TSPAN5: variants seen among roughly 807,000 people sequenced by gnomAD.
TSPAN5 encodes tetraspanin-5.
A neutral mutation model predicts 37.1 loss-of-function variants in TSPAN5; 10 were observed. The ratio of observed to expected loss-of-function variants is 0.27; its 90% CI spans 0.17 to 0.46. The LOEUF (loss-of-function observed/expected upper bound fraction) is 0.46, where lower values mean the gene tolerates loss of function less well. TSPAN5 is among the 20% of genes least tolerant of loss of function. TSPAN5 has a pLI of 1.00. For missense variants in TSPAN5, 195 were observed against 326.6 expected (o/e 0.60, Z 3.11); for synonymous variants, 110 against 118.9 (o/e 0.93, Z 0.48).
intron 1 of TSPAN5, among the ~76,000 whole-genome samples, chr4:98,622,620 A>C (rs891382307): frequency 1.3e-5 from 2 of 152,232 alleles, no homozygotes; most frequent in African/African-American, 4.8e-5. Flanking sequence ...CATTCATGAG[A>C]GAACATGAGT....
intron 1 of TSPAN5, among the ~76,000 whole-genome samples, chr4:98,602,693 C>T (rs899834264): frequency 9.2e-5 from 14 of 152,190 alleles, no homozygotes; most frequent in African/African-American, 2.7e-4. Context: ...AACGCTTTTG[C>T]CCTGCGACAG....
At chr4:98,588,101 T>C (rs1376388047) in intron 1 of TSPAN5, among the ~76,000 whole-genome samples, 1 of 152,182 alleles carries the variant, frequency 6.6e-6, no homozygotes, top group Non-Finnish European at 1.5e-5. Flanking sequence ...AAACTAGATA[T>C]TCTGTGTCAC....
chr4:98,529,406 T>C (rs1278539467), intron 1 of TSPAN5, among the ~76,000 whole-genome samples: 3 of 152,236 alleles, frequency 2.0e-5, no homozygotes, highest in East Asian at 1.9e-4. Flanking sequence ...GAAGTGGGCA[T>C]TGAGTTTAAA....
intron 1 of TSPAN5, among the ~76,000 whole-genome samples, chr4:98,555,659 A>G (rs1407032953): frequency 2.0e-5 from 3 of 152,100 alleles, no homozygotes; most frequent in Admixed American, 1.3e-4. Context: ...ATATTTCCCA[A>G]CCCCTTAAGT....
At chr4:98,564,798 T>G (rs1754964709) in intron 1 of TSPAN5, among the ~76,000 whole-genome samples, 1 of 151,790 alleles carries the variant, frequency 6.6e-6, no homozygotes, top group Admixed American at 6.6e-5. Flanking sequence ...GGGGTTCACG[T>G]GTGTTTCTAA....
intron 7 of TSPAN5, among the ~76,000 whole-genome samples, chr4:98,473,725 A>G (rs1271206343): frequency 6.6e-6 from 1 of 152,142 alleles, no homozygotes; most frequent in Non-Finnish European, 1.5e-5. Flanking sequence ...TTTATTAGCA[A>G]TTTTAATCTT....
At chr4:98,511,099 C>T (rs911665309) in intron 1 of TSPAN5, among the ~76,000 whole-genome samples, 9 of 152,180 alleles carry the variant, frequency 5.9e-5, no homozygotes, top group African/African-American at 2.2e-4. Flanking sequence ...CAACCCTTTA[C>T]TCTTTTGAAA....
At chr4:98,586,257 G>T (rs1184626531) in intron 1 of TSPAN5, among the ~76,000 whole-genome samples, 1 of 152,108 alleles carries the variant, frequency 6.6e-6, no homozygotes, top group African/African-American at 2.4e-5. Flanking sequence ...GTAGTATTTT[G>T]AAAATGTTAC....
chr4:98,487,543 C>T (rs1042125524), intron 2 of TSPAN5, among the ~76,000 whole-genome samples: 3 of 152,006 alleles, frequency 2.0e-5, no homozygotes, highest in African/African-American at 2.4e-5. Context: ...GCACCCGGTC[C>T]GGCTACAAAC....
chr4:98,564,781 G>GC (rs1431876141), intron 1 of TSPAN5, among the ~76,000 whole-genome samples: 1 of 151,320 alleles, frequency 6.6e-6, no homozygotes. Flanking sequence ...TGCAGGCTTC[G>GC]CCCCCTGGGG....
intron 2 of TSPAN5, 93 bp downstream of exon 2, chr4:98,507,585 C>T: frequency 1.1e-6 from 1 of 913,270 alleles, no homozygotes; most frequent in Non-Finnish European, 1.7e-6. Context: ...TGTTTATACT[C>T]TGTGGTTGTC....
intron 1 of TSPAN5, among the ~76,000 whole-genome samples, chr4:98,537,842 C>A (rs1754271253): frequency 6.6e-6 from 1 of 152,372 alleles, no homozygotes; most frequent in South Asian, 2.1e-4. Flanking sequence ...CTGGCAAGGT[C>A]ATCCTGGTTT....
At chr4:98,556,994 T>C (rs1239867341) in intron 1 of TSPAN5, among the ~76,000 whole-genome samples, 1 of 152,218 alleles carries the variant, frequency 6.6e-6, no homozygotes, top group Non-Finnish European at 1.5e-5. Flanking sequence ...TGACCCTTAT[T>C]ACCACATTGT....
chr4:98,531,863 T>C (rs1484258778), intron 1 of TSPAN5, among the ~76,000 whole-genome samples: 3 of 152,262 alleles, frequency 2.0e-5, no homozygotes, highest in Non-Finnish European at 4.4e-5. Context: ...ATGTCTTCTT[T>C]TGAGAAGTGT....
chr4:98,481,917 G>A (rs1752846180), intron 4 of TSPAN5, 88 bp downstream of exon 4: 12 of 1,329,638 alleles, frequency 9.0e-6, no homozygotes, highest in Admixed American at 2.0e-5. Context: ...GTTTCCAGCT[G>A]GCAGATGCAG....
chr4:98,591,067 T>C (rs1424285884), intron 1 of TSPAN5, among the ~76,000 whole-genome samples: 1 of 147,036 alleles, frequency 6.8e-6, no homozygotes, highest in African/African-American at 2.7e-5. Context: ...TTCCTTTTTT[T>C]TGTTTTTTTG....
intron 1 of TSPAN5, among the ~76,000 whole-genome samples, chr4:98,529,045 C>G (rs776513747): frequency 3.0e-5 from 4 of 132,686 alleles, no homozygotes; most frequent in Non-Finnish European, 6.3e-5. Flanking sequence ...ACAAGGAAGC[C>G]TTACTCCAAA....
At chr4:98,547,745 G>A (rs1480201460) in intron 1 of TSPAN5, among the ~76,000 whole-genome samples, 3 of 152,026 alleles carry the variant, frequency 2.0e-5, no homozygotes, top group East Asian at 1.9e-4. Flanking sequence ...GGTGGCTCAC[G>A]CCTGTAATCC....
chr4:98,613,756 A>C (rs1756255734), intron 1 of TSPAN5, among the ~76,000 whole-genome samples: 1 of 152,100 alleles, frequency 6.6e-6, no homozygotes, highest in Non-Finnish European at 1.5e-5. Flanking sequence ...TACAGCATAA[A>C]TTATTACAGG....
Sources: gnomAD v4.1 joint callset for allele counts (sites outside exome capture counted in the v4.1 genomes callset) on GRCh38, gnomAD v4.1.1 for gene constraint, MANE v1.5 for transcripts, NCBI Gene and HGNC (gene_info 2026-07-23, HGNC 2026-07-21) for gene names.